LATS1: variants seen among roughly 807,000 people sequenced by gnomAD.
LATS1 encodes serine/threonine-protein kinase LATS1.
A neutral mutation model predicts 106.6 loss-of-function variants in LATS1; 25 were observed. The observed-to-expected ratio is 0.23, with a 90% CI of 0.17 to 0.33. The LOEUF (loss-of-function observed/expected upper bound fraction) is 0.33. LATS1 is among the 10% of genes least tolerant of loss of function. The probability of loss-of-function intolerance (pLI) is 1.00; values close to 1 mark genes in which losing one functional copy is unlikely to be tolerated. For synonymous variants in LATS1, 465 were observed against 455.6 expected (o/e 1.02, Z -0.26); for missense variants, 1,040 against 1,382.6 (o/e 0.75, Z 3.93).
chr6:149,686,684 T>G (rs1203875694), intron 3 of LATS1, among the ~76,000 whole-genome samples: 1 of 152,244 alleles, frequency 6.6e-6, no homozygotes, highest in African/African-American at 2.4e-5. Context: ...ATATTATTCC[T>G]TTTAAAAAGC....
chr6:149,698,074 T>C (rs998311483), intron 2 of LATS1, among the ~76,000 whole-genome samples: 13 of 152,210 alleles, frequency 8.5e-5, no homozygotes, highest in Non-Finnish European at 1.6e-4. Context: ...ATTTCAGCCT[T>C]GTGATTCTGG....
rs1249662348 is a variant in LATS1, at chr6:149,658,786, G to A, written c.*2943C>T. The A allele has an allele frequency of 2.0e-5, 3 of 151,990 alleles. No homozygotes were observed. Among genetic ancestry groups the A allele is most frequent in the African/African-American group, 7.2e-5 (3 of 41,388 alleles). The allele number at this position is 151,990 out of a possible 1,614,324, so 9.4% of individuals were successfully genotyped here. On this transcript the variant is annotated 3_prime_UTR_variant, in exon 8 of 8. Transcript: ENST00000543571. ...GAAGGTAGAAAAGATACAGCAGTAG[G>A]GCCTGCCTTATGATGTCACTGGACA... is the stretch of plus-strand genomic sequence containing the variant.
intron 5 of LATS1, 111 bp downstream of exon 5, chr6:149,679,764 T>C: frequency 2.6e-6 from 2 of 773,190 alleles, no homozygotes; most frequent in Non-Finnish European, 4.1e-6. Flanking sequence ...AATCAAGACC[T>C]GACCCACATC....
At chr6:149,697,894 G>T (rs755845427) in intron 2 of LATS1, among the ~76,000 whole-genome samples, 1 of 152,038 alleles carries the variant, frequency 6.6e-6, no homozygotes, top group Non-Finnish European at 1.5e-5. Flanking sequence ...CCAAAAACAC[G>T]CCTGGCTAAT....
rs372622397 is a variant in LATS1, at chr6:149,694,887, A to C, written c.496+187T>G. Among the ~76,000 whole-genome samples, 32 of 152,320 alleles carry C rather than the reference A, an allele frequency of 2.1e-4. 1 individual carries two copies. The South Asian group carries it at 4.1e-3, about 20-fold the overall frequency. On this transcript the variant is annotated intron_variant, in intron 3 of 7. Transcript: ENST00000543571. ...TGCTGCTTACCAGAATTATCTATTA[A>C]CTTTTAAATGTGAGGACCCCATCCT...
rs775507536 is a variant in LATS1 at position 149,684,262 on chromosome 6, C to T, written c.827G>A (p.Arg276His). The T allele has an allele frequency of 1.2e-5, 20 of 1,613,866 alleles. No individual in the cohort carries two copies. Among genetic ancestry groups the T allele is most frequent in the South Asian group, 1.1e-5 (1 of 91,054 alleles). The change falls in exon 4 of 8, where the codon CGC becomes CAC. Residue 276 changes from arginine to histidine, a missense_variant. This residue lies in a region of LATS1 where 624 missense variants were observed against 714.8 expected (regional missense o/e 0.87). Coordinates refer to ENST00000543571, the MANE Select transcript of LATS1 (RefSeq NM_004690.4). ...TACGTATTCCATGTTTCCAGAATAG[C>T]GCTTTGTTTGAGAGTTTGGTTCCCA... ...PSWEPNSQTKRYSGNMEYVIS... is the reference protein window; with the variant it reads ...PSWEPNSQTKHYSGNMEYVIS...
rs201105029 is a variant in LATS1 at position 149,680,164 on chromosome 6, T to C, written c.2304A>G (p.Leu768=). 8.1e-6 allele frequency: 13 copies of C among 1,614,120 alleles called. No individual in the cohort carries two copies. In the Admixed American group the frequency reaches 8.3e-5, roughly 10 times the overall value. Residue 768 remains leucine, a synonymous_variant, in exon 5 of 8, where the codon CTA becomes CTG. Coordinates refer to ENST00000543571, the MANE Select transcript of LATS1 (RefSeq NM_004690.4). ...AEADNEWVVR[L]YYSFQDKDNL... ...TGTCCTTATCTTGGAATGAATAATA[T>C]AGACGAACTACCCATTCATTGTCAG...
At position 149,709,446 on chromosome 6, in the gene LATS1, C is replaced by G. The variant is rs189635571; in HGVS notation, c.-140-7180G>C. ...GTCTCTTGTGCGGAAAATCTACATT[C>G]TGAAGTTAATTCCCTTCCTTTCTCA... On this transcript the variant is annotated intron_variant, in intron 1 of 7. Coordinates refer to ENST00000543571, the MANE Select transcript of LATS1 (RefSeq NM_004690.4). Among the ~76,000 whole-genome samples the G allele has an allele frequency of 8.0e-4, 122 of 152,304 alleles. 1 individual carries two copies. Among genetic ancestry groups the G allele is most frequent in the Admixed American group, 7.9e-3 (121 of 15,292 alleles).
Position 149,683,716 on chromosome 6 carries a change from A to C in LATS1, c.1373T>G (p.Ile458Arg). ...GHEIPTWQPN[I>R]PVRSNSFNNP... is the part of the protein sequence containing the mutation. The stretch of plus-strand genomic sequence containing the variant: ...ATTAAAAGAATTTGACCTCACTGGT[A>C]TGTTAGGTTGCCATGTAGGGATTTC... Residue 458 changes from isoleucine (I) to arginine (R), a missense_variant, in exon 4 of 8, where the codon ATA becomes AGA. Around this residue, in one of 7 missense-constraint regions of LATS1, gnomAD observed 624 missense variants for 714.8 expected, o/e 0.87. Coordinates refer to ENST00000543571, the MANE Select transcript of LATS1 (RefSeq NM_004690.4). The C allele has an allele frequency of 6.2e-7, 1 of 1,614,122 alleles. No individual in the cohort carries two copies. The highest frequency in any genetic ancestry group is 8.5e-7 in the Non-Finnish European group (1 of 1,180,038).
chr6:149,672,682 A>C (rs904068945), intron 7 of LATS1, among the ~76,000 whole-genome samples: 1 of 150,876 alleles, frequency 6.6e-6, no homozygotes, highest in Non-Finnish European at 1.5e-5. Flanking sequence ...GCAGTGGCTC[A>C]CGCCTGTAAT....
chr6:149,695,338 C>A, intron 2 of LATS1, 117 bp from the exon 3 acceptor site: 1 of 629,530 alleles, frequency 1.6e-6, no homozygotes, highest in Admixed American at 3.4e-5. Context: ...AACACAGCCC[C>A]AAACCATGAT....
At position 149,683,734 on chromosome 6, in the gene LATS1, G is replaced by A; in HGVS notation, c.1355C>T (p.Pro452Leu). The stretch of plus-strand genomic sequence containing the variant: ...CACTGGTATGTTAGGTTGCCATGTA[G>A]GGATTTCATGCCCACTGCTCGGGGA... ...QSSPSSGHEI[P>L]TWQPNIPVRS... Residue 452 changes from proline to leucine, a missense_variant, in exon 4 of 8, where the codon CCT becomes CTT. By Grantham distance (98) the Pro-to-Leu change is moderately conservative. Coordinates refer to ENST00000543571, the MANE Select transcript of LATS1 (RefSeq NM_004690.4). 1 of 1,614,058 alleles carries A rather than the reference G, an allele frequency of 6.2e-7. No individual in the cohort carries two copies. Among genetic ancestry groups the A allele is most frequent in the Non-Finnish European group, 8.5e-7 (1 of 1,180,030 alleles).
chr6:149,676,646 C>T lies in LATS1; in HGVS notation c.2685G>A (p.Glu895=), dbSNP rs749695783. 3.7e-6 allele frequency: 6 copies of T among 1,614,006 alleles called. No individual in the cohort carries two copies. In the South Asian group the frequency reaches 4.4e-5, roughly 12 times the overall value. Residue 895 remains glutamate (E), a synonymous_variant, in exon 6 of 8, where the codon GAG becomes GAA. Coordinates refer to ENST00000543571, the MANE Select transcript of LATS1 (RefSeq NM_004690.4). ...GCTGGTGCTGGCGTGCAGCTCTCCGCTCTAATGGCTTCAGTCTGTCTCCAC... is the reference window on the plus strand; with the variant it reads ...GCTGGTGCTGGCGTGCAGCTCTCCGTTCTAATGGCTTCAGTCTGTCTCCAC... ...CRCGDRLKPL[E]RRAARQHQRC... is the part of the protein sequence containing the mutation.
chr6:149,701,674 G>C, intron 2 of LATS1, 105 bp downstream of exon 2: 1 of 735,604 alleles, frequency 1.4e-6, no homozygotes, highest in Non-Finnish European at 2.3e-6. Flanking sequence ...TGTGTATACA[G>C]GGTTAAATTC....
chr6:149,661,707 A>G lies in LATS1; in HGVS notation c.*22T>C. On this transcript the variant is annotated 3_prime_UTR_variant, in exon 8 of 8. Transcript: ENST00000543571. ...ATTTCAGGCCCTTTTACAAATCCTC[A>G]TTACATTTATTTACTAGTGTGTTAA... is the stretch of plus-strand genomic sequence containing the variant. 20 of 1,520,876 alleles carry G rather than the reference A, an allele frequency of 1.3e-5. No homozygotes were observed. Among genetic ancestry groups the G allele is most frequent in the Non-Finnish European group, 1.6e-5 (18 of 1,138,990 alleles). The allele number at this position is 1,520,876 out of a possible 1,614,324, so 94.2% of individuals were successfully genotyped here.
chr6:149,713,016 A>G (rs1248760398), intron 1 of LATS1, among the ~76,000 whole-genome samples: 1 of 152,064 alleles, frequency 6.6e-6, no homozygotes, highest in Admixed American at 6.6e-5. Context: ...ATAAATAAAT[A>G]AATTGAGTAT....
intron 3 of LATS1, among the ~76,000 whole-genome samples, chr6:149,687,135 G>A (rs1386834729): frequency 6.6e-6 from 1 of 150,830 alleles, no homozygotes; most frequent in East Asian, 1.9e-4. Flanking sequence ...CTGTCGCCCA[G>A]GCTGGAGCGC....
rs951507932 is a variant in LATS1 at position 149,660,475 on chromosome 6, A to G, written c.*1254T>C. On this transcript the variant is annotated 3_prime_UTR_variant, in exon 8 of 8. Coordinates refer to ENST00000543571, the MANE Select transcript of LATS1 (RefSeq NM_004690.4). Reference sequence around the variant, plus strand: ...TAACTTTTGATAAAAACAATCCCTTATCAGTGGAGCTTAAGAAAAGGAAAT... The same window carrying G: ...TAACTTTTGATAAAAACAATCCCTTGTCAGTGGAGCTTAAGAAAAGGAAAT... The G allele has an allele frequency of 4.7e-5, 11 of 233,016 alleles. No homozygotes were observed. The highest frequency in any genetic ancestry group is 2.0e-4 in the African/African-American group (9 of 45,356). 14.4% of individuals were successfully genotyped at this position (233,016 alleles called of 1,614,324 possible). A position where few individuals can be genotyped will look rare whatever the true frequency, so the allele number is the denominator to read the frequency against.
intron 7 of LATS1, among the ~76,000 whole-genome samples, chr6:149,663,467 C>T (rs1780983641): frequency 1.3e-5 from 2 of 152,020 alleles, no homozygotes; most frequent in African/African-American, 2.4e-5. Context: ...AGAGCAAGAC[C>T]CTGTCTCAAA....
Sources: allele counts gnomAD v4.1 joint callset (sites outside exome capture counted in the v4.1 genomes callset), GRCh38; gene constraint gnomAD v4.1.1; regional missense constraint gnomAD v4.1.1; transcripts MANE v1.5; gene names NCBI Gene and HGNC (gene_info 2026-07-23, HGNC 2026-07-21).